Variants in RAD51B observed in about 807,000 individuals in gnomAD.
RAD51B encodes DNA repair protein RAD51 homolog 2.
A neutral mutation model predicts 42.2 loss-of-function variants in RAD51B; 38 were observed. The observed-to-expected ratio is 0.90, with a 90% CI of 0.70 to 1.18. The LOEUF (loss-of-function observed/expected upper bound fraction) is 1.18, where lower values mean the gene tolerates loss of function less well. Ranked by LOEUF, RAD51B falls within the 50% of genes most tolerant of loss-of-function variation. The probability of loss-of-function intolerance (pLI) is 0.00; values close to 1 mark genes in which losing one functional copy is unlikely to be tolerated. For missense variants in RAD51B, 373 were observed against 400.7 expected, an observed-to-expected ratio of 0.93 and a Z score of 0.59; for synonymous variants, 154 against 145.2, an observed-to-expected ratio of 1.06 and a Z score of -0.43.
chr14:68,001,441 T>C (rs1439293940), intron 7 of RAD51B, among the ~76,000 whole-genome samples: 5 of 152,178 alleles, frequency 3.3e-5, no homozygotes. Context: ...TTTATACTTT[T>C]TTATTTTGGA....
At chr14:68,177,717 A>C (rs1413874292) in intron 7 of RAD51B, among the ~76,000 whole-genome samples, 5 of 151,990 alleles carry the variant, frequency 3.3e-5, no homozygotes, top group Non-Finnish European at 7.4e-5. Context: ...AATAAATTTG[A>C]GAAAGCCTTC....
intron 10 of RAD51B, among the ~76,000 whole-genome samples, chr14:68,489,551 C>G (rs1566911043): frequency 6.6e-6 from 1 of 152,226 alleles, no homozygotes; most frequent in Non-Finnish European, 1.5e-5. Flanking sequence ...GGGAAACCCA[C>G]TTGCCTTTTT....
chr14:68,139,496 T>C (rs1418547211), intron 7 of RAD51B, among the ~76,000 whole-genome samples: 4 of 152,096 alleles, frequency 2.6e-5, no homozygotes, highest in African/African-American at 9.7e-5. Context: ...AACCCTTTGA[T>C]TGAGACAAAA....
intron 9 of RAD51B, chr14:68,422,155 G>A (rs1025595904): frequency 2.4e-5 from 31 of 1,308,566 alleles, no homozygotes; most frequent in African/African-American, 1.5e-5. Flanking sequence ...CCAAGGGCTC[G>A]CTGTCGACGG....
intron 7 of RAD51B, among the ~76,000 whole-genome samples, chr14:68,277,775 G>T (rs771659025): frequency 3.9e-5 from 6 of 152,084 alleles, no homozygotes; most frequent in Non-Finnish European, 7.3e-5. Flanking sequence ...GTCTCGCTTT[G>T]TCATCCAGGC....
At chr14:67,957,256 C>T (rs2074569891) in intron 7 of RAD51B, among the ~76,000 whole-genome samples, 1 of 152,182 alleles carries the variant, frequency 6.6e-6, no homozygotes, top group African/African-American at 2.4e-5. Context: ...AATCCAACTG[C>T]AGGAAATGCT....
intron 7 of RAD51B, among the ~76,000 whole-genome samples, chr14:68,095,995 A>G (rs1288152409): frequency 6.7e-6 from 1 of 150,028 alleles, no homozygotes; most frequent in African/African-American, 2.5e-5. Flanking sequence ...AAAAAAAAAA[A>G]AGAAACAGAC....
At chr14:67,978,641 GTAGCCCT>G (rs1475122962) in intron 7 of RAD51B, among the ~76,000 whole-genome samples, 1 of 152,206 alleles carries the variant, frequency 6.6e-6, no homozygotes, top group Non-Finnish European at 1.5e-5. Context: ...AAGTCTGAGT[GTAGCCCT>G]TAAAAGACTA....
At chr14:68,030,595 T>C (rs1047340749) in intron 7 of RAD51B, among the ~76,000 whole-genome samples, 3 of 152,214 alleles carry the variant, frequency 2.0e-5, no homozygotes, top group African/African-American at 7.2e-5. Context: ...TAAGGTAGTG[T>C]TGTGGCTGGT....
intron 9 of RAD51B, among the ~76,000 whole-genome samples, chr14:68,440,204 G>A (rs916745004): frequency 6.6e-6 from 1 of 152,162 alleles, no homozygotes; most frequent in African/African-American, 2.4e-5. Context: ...TTAATGAATT[G>A]GAGCATTCTG....
chr14:68,186,441 GA>G (rs2079159232), intron 7 of RAD51B, among the ~76,000 whole-genome samples: 4 of 152,120 alleles, frequency 2.6e-5, no homozygotes, highest in Non-Finnish European at 5.9e-5. Context: ...CAGATAGGGA[GA>G]AAATATTCAC....
chr14:68,142,761 G>A (rs1246609470), intron 7 of RAD51B, among the ~76,000 whole-genome samples: 2 of 152,106 alleles, frequency 1.3e-5, no homozygotes, highest in Non-Finnish European at 2.9e-5. Flanking sequence ...GTTTTAGTTT[G>A]GGTCTTTTCT....
intron 7 of RAD51B, among the ~76,000 whole-genome samples, chr14:68,110,605 A>G (rs771851572): frequency 1.3e-5 from 2 of 152,098 alleles, no homozygotes; most frequent in Non-Finnish European, 2.9e-5. Flanking sequence ...GAACTGTGCT[A>G]AACACCCTAA....
intron 7 of RAD51B, among the ~76,000 whole-genome samples, chr14:68,011,286 A>G (rs1391477421): frequency 1.3e-5 from 2 of 152,044 alleles, no homozygotes; most frequent in Non-Finnish European, 1.5e-5. Flanking sequence ...ACGTAAATTT[A>G]TTTACTTTTA....
chr14:68,208,459 C>T (rs921311593), intron 7 of RAD51B, among the ~76,000 whole-genome samples: 1 of 152,176 alleles, frequency 6.6e-6, no homozygotes, highest in Non-Finnish European at 1.5e-5. Context: ...TCCTTTCAGC[C>T]ACAGAAAGGG....
At chr14:68,269,509 A>T (rs2081062915) in intron 7 of RAD51B, among the ~76,000 whole-genome samples, 1 of 152,020 alleles carries the variant, frequency 6.6e-6, no homozygotes, top group Non-Finnish European at 1.5e-5. Context: ...CAGGATCGTC[A>T]CTCAGATCTC....
intron 7 of RAD51B, among the ~76,000 whole-genome samples, chr14:67,963,668 G>A (rs533986346): frequency 6.6e-6 from 1 of 152,026 alleles, no homozygotes; most frequent in East Asian, 1.9e-4. Flanking sequence ...TAGATTAGCC[G>A]GTTGCAATCT....
intron 10 of RAD51B, among the ~76,000 whole-genome samples, chr14:68,549,408 C>CCTTTTTT (rs1888400828): frequency 1.4e-5 from 1 of 71,328 alleles, no homozygotes; most frequent in Non-Finnish European, 3.3e-5. Flanking sequence ...GCCCTGGACA[C>CCTTTTTT]ATTTTTTTTT....
chr14:68,507,179 G>A (rs923433302), intron 10 of RAD51B, among the ~76,000 whole-genome samples: 2 of 152,130 alleles, frequency 1.3e-5, no homozygotes, highest in African/African-American at 4.8e-5. Flanking sequence ...TATGTTCAGA[G>A]GGGAGAGAAA....
Sources: gnomAD v4.1 joint callset for allele counts (sites outside exome capture counted in the v4.1 genomes callset) on GRCh38, gnomAD v4.1.1 for gene constraint, MANE v1.5 for transcripts, NCBI Gene and HGNC (gene_info 2026-07-23, HGNC 2026-07-21) for gene names.